The following ZSWIM5 variants were observed in gnomAD, a reference collection of about 807,000 sequenced individuals.
The protein encoded by ZSWIM5 is zinc finger SWIM domain-containing protein 5.
A neutral mutation model predicts 119.6 loss-of-function variants in ZSWIM5; 55 were observed. The ratio of observed to expected loss-of-function variants is 0.46; its 90% CI spans 0.37 to 0.58. ZSWIM5 has a LOEUF of 0.58. ZSWIM5 is among the 20% of genes least tolerant of loss of function. The pLI is 0.00. For missense variants in ZSWIM5, 1,193 were observed against 1,512.8 expected, an observed-to-expected ratio of 0.79 and a Z score of 3.51; for synonymous variants, 537 against 606.9, an observed-to-expected ratio of 0.88 and a Z score of 1.69.
At chr1:45,184,861 G>C (rs1215494552) in intron 1 of ZSWIM5, among the ~76,000 whole-genome samples, 4 of 151,852 alleles carry the variant, frequency 2.6e-5, no homozygotes, top group Non-Finnish European at 4.4e-5. Context: ...TCCCCATCAA[G>C]CTACCAATGA....
chr1:45,146,431 CTTTTTTTTTTTTTTT>C (rs35073818), intron 1 of ZSWIM5, among the ~76,000 whole-genome samples: 6 of 45,900 alleles, frequency 1.3e-4, no homozygotes, highest in East Asian at 6.9e-4. Context: ...TGTTTCTAGA[CTTTTTTTTTTTTTTT>C]TTTTTTTTTT....
intron 1 of ZSWIM5, among the ~76,000 whole-genome samples, chr1:45,103,378 T>C (rs952189344): frequency 2.0e-5 from 3 of 152,230 alleles, no homozygotes; most frequent in African/African-American, 7.2e-5. Flanking sequence ...TGTTGTTATT[T>C]CCCTGTTTCC....
chr1:45,185,151 A>G (rs1570196467), intron 1 of ZSWIM5, among the ~76,000 whole-genome samples: 2 of 152,036 alleles, frequency 1.3e-5, no homozygotes, highest in East Asian at 3.9e-4. Context: ...CAATGGGGAA[A>G]GGATTCCCTA....
chr1:45,068,225 C>A (rs1645197756), intron 2 of ZSWIM5, among the ~76,000 whole-genome samples: 1 of 149,754 alleles, frequency 6.7e-6, no homozygotes, highest in South Asian at 2.1e-4. Flanking sequence ...GCCTCAGCCT[C>A]CCAAGTGGCT....
intron 1 of ZSWIM5, among the ~76,000 whole-genome samples, chr1:45,181,790 G>T (rs1345426160): frequency 6.6e-6 from 1 of 152,062 alleles, no homozygotes; most frequent in African/African-American, 2.4e-5. Flanking sequence ...CATTCTTAAA[G>T]AAAAGAATTT....
intron 1 of ZSWIM5, among the ~76,000 whole-genome samples, chr1:45,114,951 C>CG (rs1272254577): frequency 1.3e-5 from 2 of 152,102 alleles, no homozygotes; most frequent in African/African-American, 2.4e-5. Context: ...TCAGAGAGCA[C>CG]GGGGTTGGGG....
intron 2 of ZSWIM5, among the ~76,000 whole-genome samples, chr1:45,083,347 C>G (rs1346118574): frequency 2.0e-5 from 3 of 151,996 alleles, no homozygotes; most frequent in Non-Finnish European, 4.4e-5. Context: ...ACATCCTGGG[C>G]TCAAGCAATT....
intron 1 of ZSWIM5, among the ~76,000 whole-genome samples, chr1:45,095,782 T>C (rs1457201284): frequency 2.0e-5 from 3 of 152,230 alleles, no homozygotes; most frequent in Non-Finnish European, 4.4e-5. Flanking sequence ...TAACAGTCAT[T>C]GATGATTGTT....
chr1:45,068,166 G>C (rs1003516814), intron 2 of ZSWIM5, among the ~76,000 whole-genome samples: 2 of 125,924 alleles, frequency 1.6e-5, no homozygotes, highest in African/African-American at 3.0e-5. Flanking sequence ...GCAGTGGTGT[G>C]ATCTCAGCTC....
intron 1 of ZSWIM5, among the ~76,000 whole-genome samples, chr1:45,133,624 A>T (rs1399202388): frequency 2.0e-5 from 3 of 151,646 alleles, no homozygotes; most frequent in African/African-American, 7.3e-5. Flanking sequence ...ATTAGATCCC[A>T]TTTGTCAATT....
chr1:45,113,909 C>T (rs1268302953), intron 1 of ZSWIM5, among the ~76,000 whole-genome samples: 2 of 152,196 alleles, frequency 1.3e-5, no homozygotes, highest in Non-Finnish European at 2.9e-5. Context: ...AATGTTGAAC[C>T]TTGCTTAGTC....
chr1:45,064,906 A>C (rs1231489586), intron 2 of ZSWIM5, among the ~76,000 whole-genome samples: 5 of 152,158 alleles, frequency 3.3e-5, no homozygotes, highest in African/African-American at 9.7e-5. Context: ...ATACCGCTGG[A>C]TTCACTAGTT....
intron 11 of ZSWIM5, among the ~76,000 whole-genome samples, chr1:45,032,774 A>G (rs555580616): frequency 6.7e-6 from 1 of 149,154 alleles, no homozygotes; most frequent in Non-Finnish European, 1.5e-5. Context: ...GGTGTGAGCC[A>G]CCGTGCCTGG....
At position 45,043,218 on chromosome 1, in the gene ZSWIM5, C is replaced by T; in HGVS notation, c.1609+1G>A. The T allele has an allele frequency of 6.2e-7, 1 of 1,613,128 alleles. No individual in the cohort carries two copies. Among genetic ancestry groups the T allele is most frequent in the Non-Finnish European group, 8.5e-7 (1 of 1,179,862 alleles). ...AGTTCTTAGAGGAGGGCTAGACTTA[C>T]CAAGCCACAGTGGCTGGCCTTGGGA... On this transcript the variant is annotated splice_donor_variant, in intron 6 of 13. Coordinates refer to ENST00000359600, the MANE Select transcript of ZSWIM5 (RefSeq NM_020883.2). LOFTEE classifies it high-confidence loss of function.
At chr1:45,142,576 C>T (rs1645734029) in intron 1 of ZSWIM5, among the ~76,000 whole-genome samples, 1 of 152,024 alleles carries the variant, frequency 6.6e-6, no homozygotes, top group Non-Finnish European at 1.5e-5. Flanking sequence ...TGGTCTCAAA[C>T]TCCTGGACTC....
At chr1:45,137,119 G>A (rs1020276275) in intron 1 of ZSWIM5, among the ~76,000 whole-genome samples, 2 of 151,842 alleles carry the variant, frequency 1.3e-5, no homozygotes, top group Admixed American at 1.3e-4. Flanking sequence ...TCACTGTGTC[G>A]GCCAGGCTAG....
intron 1 of ZSWIM5, among the ~76,000 whole-genome samples, chr1:45,184,451 G>A (rs1570195353): frequency 1.3e-5 from 2 of 152,198 alleles, no homozygotes; most frequent in East Asian, 3.8e-4. Context: ...AAAAGAGGAA[G>A]TCAAATTGTC....
At chr1:45,152,308 G>C (rs1340253849) in intron 1 of ZSWIM5, among the ~76,000 whole-genome samples, 1 of 152,220 alleles carries the variant, frequency 6.6e-6, no homozygotes, top group Non-Finnish European at 1.5e-5. Context: ...TTACGCAAGT[G>C]CAATAATCCT....
intron 1 of ZSWIM5, among the ~76,000 whole-genome samples, chr1:45,169,519 A>G (rs1350715742): frequency 6.6e-6 from 1 of 152,018 alleles, no homozygotes; most frequent in East Asian, 1.9e-4. Context: ...TCTAATTCTA[A>G]AGCCCATGTA....
Sources: allele counts gnomAD v4.1 joint callset (sites outside exome capture counted in the v4.1 genomes callset), GRCh38; gene constraint gnomAD v4.1.1; transcripts MANE v1.5; gene names NCBI Gene and HGNC (gene_info 2026-07-23, HGNC 2026-07-21).